Variants in SGCB observed in about 807,000 individuals in gnomAD.
SGCB encodes the protein sarcoglycan beta, also known as beta-sarcoglycan.
SGCB carries 25 observed loss-of-function variants against 27.3 expected under a neutral mutation model. That is an observed-to-expected ratio of 0.92 (90% confidence interval 0.67 to 1.28). The LOEUF is 1.28. SGCB is among the 50% of genes most tolerant of loss of function. The pLI is 0.00. For missense variants in SGCB, 436 were observed against 402.1 expected (o/e 1.08, Z -0.72); for synonymous variants, 147 against 133.5 (o/e 1.10, Z -0.70).
Position 52,029,745 on chromosome 4 carries a change from G to C in SGCB, c.362C>G (p.Pro121Arg). Residue 121 changes from proline (P) to arginine (R), a missense_variant, in exon 3 of 6, where the codon CCT becomes CGT. By Grantham distance (103) the Pro-to-Arg change is moderately radical (BLOSUM62 -2). Transcript: ENST00000381431. ...KQVSDMGVIH[P>R]LYKSTVGGRR... Reference sequence around the variant, plus strand: ...TCCTCCTACTGTGCTTTTATAAAGAGGGTGGATCACTCCCATGTCAGATAC... The same window carrying C: ...TCCTCCTACTGTGCTTTTATAAAGACGGTGGATCACTCCCATGTCAGATAC... 1 of 1,613,698 alleles carries C rather than the reference G, an allele frequency of 6.2e-7. No homozygotes were observed. Among genetic ancestry groups the C allele is most frequent in the Middle Eastern group, 1.7e-4 (1 of 6,060 alleles).
At chr4:52,034,672 A>G (rs962678743) in intron 1 of SGCB, among the ~76,000 whole-genome samples, 1 of 152,084 alleles carries the variant, frequency 6.6e-6, no homozygotes, top group Non-Finnish European at 1.5e-5. Context: ...TGAAAATAAG[A>G]CCGGAAAGGC....
At chr4:52,026,383 C>A (rs899337369) in intron 5 of SGCB, among the ~76,000 whole-genome samples, 1 of 151,078 alleles carries the variant, frequency 6.6e-6, no homozygotes, top group African/African-American at 2.4e-5. Context: ...CTCAGCCTCC[C>A]GGGTAGCTGG....
At chr4:52,034,522 G>A (rs1418610470) in intron 1 of SGCB, among the ~76,000 whole-genome samples, 1 of 151,862 alleles carries the variant, frequency 6.6e-6, no homozygotes, top group Admixed American at 6.6e-5. Context: ...GTATACAGGA[G>A]GATGTGCAGA....
At chr4:52,028,454 G>A (rs1160803898) in intron 4 of SGCB, among the ~76,000 whole-genome samples, 3 of 152,190 alleles carry the variant, frequency 2.0e-5, no homozygotes, top group East Asian at 1.9e-4. Flanking sequence ...TGACTAACAC[G>A]GTGAAACCCC....
intron 2 of SGCB, among the ~76,000 whole-genome samples, chr4:52,031,410 G>A (rs1215548754): frequency 5.3e-5 from 1 of 18,976 alleles, no homozygotes. Context: ...GTGTGTATGT[G>A]TGTGTGTGTG....
chr4:52,026,598 T>C (rs1338873575), intron 5 of SGCB, among the ~76,000 whole-genome samples: 2 of 152,262 alleles, frequency 1.3e-5, no homozygotes, highest in Non-Finnish European at 2.9e-5. Flanking sequence ...AGCAGTTTAA[T>C]TGATAAAATT....
chr4:52,029,855 A>G lies in SGCB; in HGVS notation c.252T>C (p.Leu84=). The change falls in exon 3 of 6, where the codon CTT becomes CTC. Residue 84 remains leucine (L), a synonymous_variant. Coordinates refer to ENST00000381431, the MANE Select transcript of SGCB (RefSeq NM_000232.5). The part of the protein sequence containing the change: ...ILAVINLIIT[L]VIWAVIRIGP... ...CAATGCGAATCACGGCCCAAATAAC[A>G]AGTGTTATCTGAAAAAGAACACAAG... 6.2e-7 allele frequency: 1 copy of G among 1,613,304 alleles called. No individual in the cohort carries two copies. The highest frequency in any genetic ancestry group is 1.1e-5 in the South Asian group (1 of 91,074).
Position 52,024,045 on chromosome 4 carries a change from C to A in SGCB, c.869G>T (p.Cys290Phe). The A allele has an allele frequency of 6.2e-7, 1 of 1,614,042 alleles. No individual in the cohort carries two copies. The highest frequency in any genetic ancestry group is 8.5e-7 in the Non-Finnish European group (1 of 1,179,964). ...CACCTTGAAGAGCGTCCCATCAGCA[C>A]ACATGCAGAGCTTGTAGCGTACCCA... ...GDWVRYKLCM[C>F]ADGTLFKVQV... The change falls in exon 6 of 6, where the codon TGT becomes TTT. Residue 290 changes from cysteine (C) to phenylalanine (F), a missense_variant. By Grantham distance (205) the Cys-to-Phe change is radical. Transcript: ENST00000381431.
intron 1 of SGCB, among the ~76,000 whole-genome samples, chr4:52,036,095 G>A (rs765484105): frequency 6.6e-6 from 1 of 152,234 alleles, no homozygotes; most frequent in South Asian, 2.1e-4. Context: ...GACAAGTGCT[G>A]TAGTGGAGCA....
intron 1 of SGCB, among the ~76,000 whole-genome samples, chr4:52,035,731 T>A (rs533834003): frequency 2.0e-5 from 3 of 152,158 alleles, no homozygotes; most frequent in African/African-American, 7.2e-5. Flanking sequence ...AGAGATTAAG[T>A]AGATACTTTA....
Position 52,028,720 on chromosome 4 carries a change from T to C in SGCB, c.621+10A>G. The C allele has an allele frequency of 6.3e-7, 1 of 1,592,626 alleles. No individual in the cohort carries two copies. The highest frequency in any genetic ancestry group is 8.6e-7 in the Non-Finnish European group (1 of 1,160,690). On this transcript the variant is annotated intron_variant, in intron 4 of 5. Coordinates refer to ENST00000381431, the MANE Select transcript of SGCB (RefSeq NM_000232.5). ...TCTCCCATTAGTAAAACAAAGCCAATAAATCATACCCTTTCAGTAGATGCC... is the reference window on the plus strand; with the variant it reads ...TCTCCCATTAGTAAAACAAAGCCAACAAATCATACCCTTTCAGTAGATGCC...
chr4:52,037,129 A>T (rs1418553946), intron 1 of SGCB, among the ~76,000 whole-genome samples: 2 of 152,218 alleles, frequency 1.3e-5, no homozygotes, highest in African/African-American at 4.8e-5. Context: ...AGGAAAGCCA[A>T]GGCACAATTT....
Position 52,033,187 on chromosome 4 carries a change from C to T in SGCB, c.243+244G>A, listed in dbSNP as rs142445672. 2.0e-3 allele frequency among the ~76,000 whole-genome samples: 298 copies of T among 152,188 alleles called. 2 individuals are homozygous for T. In the East Asian group the frequency reaches 0.022, roughly 11 times the overall value. On this transcript the variant is annotated intron_variant, in intron 2 of 5. Transcript: ENST00000381431. ...TCTACCGATTGAGCTAGGTGGGAGC[C>T]TCATAATTCTATCCTTGCTAAAAAT...
chr4:52,034,176 A>G (rs1476763284), intron 1 of SGCB, among the ~76,000 whole-genome samples: 1 of 149,548 alleles, frequency 6.7e-6, no homozygotes, highest in Non-Finnish European at 1.5e-5. Context: ...CTAAAAACAC[A>G]AGAAAATTAG....
rs886059436 is a variant in SGCB at position 52,023,450 on chromosome 4, T to C, written c.*507A>G. The C allele has an allele frequency of 1.9e-5, 3 of 154,322 alleles. No individual in the cohort carries two copies. The East Asian group carries it at 5.7e-4, about 29-fold the overall frequency. 9.6% of individuals were successfully genotyped at this position (154,322 alleles called of 1,614,324 possible). A position where few individuals can be genotyped will look rare whatever the true frequency, so the allele number is the denominator to read the frequency against. On this transcript the variant is annotated 3_prime_UTR_variant, in exon 6 of 6. Coordinates refer to ENST00000381431, the MANE Select transcript of SGCB (RefSeq NM_000232.5). Reference sequence around the variant, plus strand: ...GGAACCATTGTTTCTATCTCACATATGTAAAGTTCTTTAATGACTTCACTT... The same window carrying C: ...GGAACCATTGTTTCTATCTCACATACGTAAAGTTCTTTAATGACTTCACTT...
Position 52,024,087 on chromosome 4 carries a change from T to G in SGCB, c.827A>C (p.Gln276Pro). The change falls in exon 6 of 6, where the codon CAG (glutamine) becomes CCG (proline). Residue 276 changes from glutamine to proline, a missense_variant. Coordinates refer to ENST00000381431, the MANE Select transcript of SGCB (RefSeq NM_000232.5). ...TRLPSSSSGD[Q>P]LGSGDWVRYK... ...GCGTACCCAGTCACCACTACCCAAC[T>G]GGTCTCCACTGGAGGAACTGGGTAG... The G allele has an allele frequency of 6.2e-7, 1 of 1,613,894 alleles. No individual in the cohort carries two copies. Among genetic ancestry groups the G allele is most frequent in the Non-Finnish European group, 8.5e-7 (1 of 1,179,930 alleles).
intron 2 of SGCB, among the ~76,000 whole-genome samples, chr4:52,030,400 G>A (rs539548991): frequency 3.3e-5 from 5 of 151,862 alleles, no homozygotes; most frequent in Non-Finnish European, 5.9e-5. Flanking sequence ...ATTATTTTCA[G>A]TATTACAACC....
intron 1 of SGCB, among the ~76,000 whole-genome samples, chr4:52,034,604 G>A (rs1423560240): frequency 6.6e-6 from 1 of 151,848 alleles, no homozygotes; most frequent in Non-Finnish European, 1.5e-5. Context: ...TCCTTTGGGG[G>A]TCCTGAGACC....
intron 2 of SGCB, among the ~76,000 whole-genome samples, chr4:52,033,011 A>T (rs1240957835): frequency 1.3e-5 from 2 of 152,246 alleles, no homozygotes; most frequent in Non-Finnish European, 2.9e-5. Context: ...TTAAAATTTT[A>T]AAATCCAGCT....
Sources: allele counts gnomAD v4.1 joint callset (sites outside exome capture counted in the v4.1 genomes callset), GRCh38; gene constraint gnomAD v4.1.1; transcripts MANE v1.5; gene names NCBI Gene and HGNC (gene_info 2026-07-23, HGNC 2026-07-21).